PKHD1: variants seen among roughly 807,000 people sequenced by gnomAD.
PKHD1 encodes PKHD1 ciliary IPT domain containing fibrocystin/polyductin.
Under a neutral mutation model 412.0 loss-of-function variants are expected in PKHD1, and 291 were observed. The ratio of observed to expected loss-of-function variants is 0.71; its 90% CI spans 0.64 to 0.78. PKHD1 has a LOEUF of 0.78. PKHD1 is among the 30% of genes least tolerant of loss of function. PKHD1 has a pLI of 0.00. For synonymous variants in PKHD1, 1,777 were observed against 1,821.5 expected, an observed-to-expected ratio of 0.98 and a Z score of 0.62; for missense variants, 4,825 against 4,950.7, an observed-to-expected ratio of 0.97 and a Z score of 0.76.
At chr6:51,912,281 A>G (rs1309339125) in intron 38 of PKHD1, 85 bp downstream of exon 38, 2 of 851,702 alleles carry the variant, frequency 2.3e-6, no homozygotes, top group African/African-American at 3.3e-5. Context: ...TATCATTGAA[A>G]GACCCCAATA....
chr6:51,682,070 C>T (rs185164541), intron 60 of PKHD1: 97 of 224,754 alleles, frequency 4.3e-4, no homozygotes, highest in Admixed American at 2.3e-3. Flanking sequence ...TTGTTTTAAG[C>T]TGTTGAGATA....
intron 52 of PKHD1, among the ~76,000 whole-genome samples, chr6:51,807,485 A>ATG (rs567506746): frequency 0.031 from 3,437 of 111,616 alleles, 122 homozygotes; most frequent in Middle Eastern, 0.041. Flanking sequence ...ATATATGTAT[A>ATG]TGTGTGTGTG....
At chr6:51,942,542 CTG>C (rs771306358) in intron 36 of PKHD1, among the ~76,000 whole-genome samples, 1 of 151,546 alleles carries the variant, frequency 6.6e-6, no homozygotes, top group Non-Finnish European at 1.5e-5. Context: ...GCAATTACCA[CTG>C]TTCCTGGCCC....
At chr6:51,859,309 G>A (rs890958178) in intron 48 of PKHD1, among the ~76,000 whole-genome samples, 10 of 151,970 alleles carry the variant, frequency 6.6e-5, no homozygotes, top group African/African-American at 2.4e-4. Flanking sequence ...GGTGGATCAT[G>A]AGATCAGGAG....
At chr6:51,728,020 T>C (rs1701397535) in intron 60 of PKHD1, among the ~76,000 whole-genome samples, 1 of 152,180 alleles carries the variant, frequency 6.6e-6, no homozygotes, top group African/African-American at 2.4e-5. Context: ...CTCAATTCCT[T>C]TTCCTTCTCC....
chr6:51,806,239 A>G (rs1049150691), intron 52 of PKHD1, among the ~76,000 whole-genome samples: 2 of 152,142 alleles, frequency 1.3e-5, no homozygotes, highest in Admixed American at 6.6e-5. Context: ...AAAAAGAGGC[A>G]TTCTAGTGGT....
intron 34 of PKHD1, among the ~76,000 whole-genome samples, chr6:52,016,733 A>G (rs1383811761): frequency 7.9e-5 from 12 of 152,206 alleles, no homozygotes; most frequent in Non-Finnish European, 1.5e-5. Context: ...AGAAGTTTAC[A>G]TGACAATGTT....
intron 53 of PKHD1, among the ~76,000 whole-genome samples, chr6:51,787,395 A>G (rs1338497375): frequency 6.6e-6 from 1 of 152,080 alleles, no homozygotes; most frequent in East Asian, 1.9e-4. Flanking sequence ...ACCAAAAAAT[A>G]TAATTCCACA....
At chr6:51,694,696 T>C (rs1778590537) in intron 60 of PKHD1, among the ~76,000 whole-genome samples, 1 of 151,594 alleles carries the variant, frequency 6.6e-6, no homozygotes, top group African/African-American at 2.4e-5. Context: ...CACCCAACCT[T>C]CCATATAGAT....
chr6:51,722,035 A>C (rs189600783), intron 60 of PKHD1: 10 of 1,613,426 alleles, frequency 6.2e-6, no homozygotes, highest in Non-Finnish European at 7.6e-6. Context: ...AGTAAACAGA[A>C]GTACTTTAGT....
intron 35 of PKHD1, among the ~76,000 whole-genome samples, chr6:51,982,838 T>TA: frequency 7.5e-6 from 1 of 132,480 alleles, no homozygotes; most frequent in South Asian, 2.4e-4. Flanking sequence ...AAATAAAAAA[T>TA]AAAAAAATAA....
chr6:51,738,695 C>G (rs1489968270), intron 60 of PKHD1, among the ~76,000 whole-genome samples: 1 of 152,112 alleles, frequency 6.6e-6, no homozygotes, highest in Non-Finnish European at 1.5e-5. Context: ...GAGGCTGGCT[C>G]CTGTCTATCT....
In PKHD1 at chr6:52,022,849, C is replaced by G; in HGVS notation, c.5332G>C (p.Ala1778Pro). 6.2e-7 allele frequency: 1 copy of G among 1,614,118 alleles called. No individual in the cohort carries two copies. Among genetic ancestry groups the G allele is most frequent in the Non-Finnish European group, 8.5e-7 (1 of 1,180,028 alleles). ...AVCGAPCRVL[A>P]NATVSAFSCL... ...CTGAAGGCAGACACTGTAGCATTAG[C>G]CAGGACTCGGCAGGGAGCACCACAC... The change falls in exon 33 of 67, where the codon GCT becomes CCT. Residue 1778 changes from alanine (A) to proline (P), a missense_variant. By Grantham distance (27) the Ala-to-Pro change is conservative (BLOSUM62 -1). Coordinates refer to ENST00000371117, the MANE Select transcript of PKHD1 (RefSeq NM_138694.4).
At chr6:51,748,964 T>G (rs1785637802) in intron 57 of PKHD1, among the ~76,000 whole-genome samples, 2 of 152,110 alleles carry the variant, frequency 1.3e-5, no homozygotes, top group South Asian at 4.1e-4. Flanking sequence ...AGTTTAACGA[T>G]TCTGTGTATT....
intron 60 of PKHD1, among the ~76,000 whole-genome samples, chr6:51,726,204 A>AC (rs1275003126): frequency 6.6e-6 from 1 of 152,180 alleles, no homozygotes. Flanking sequence ...ATTATCAGGC[A>AC]CTGGACATAC....
intron 61 of PKHD1, among the ~76,000 whole-genome samples, chr6:51,656,856 A>G (rs915983435): frequency 6.6e-6 from 1 of 151,690 alleles, no homozygotes; most frequent in African/African-American, 2.4e-5. Context: ...GGGTTTCACC[A>G]TGTTGCCTAG....
chr6:51,687,338 T>C (rs1333727267), intron 60 of PKHD1, among the ~76,000 whole-genome samples: 2 of 152,232 alleles, frequency 1.3e-5, no homozygotes, highest in South Asian at 2.1e-4. Flanking sequence ...TAAGTACTAA[T>C]AATAACTCTT....
chr6:51,826,298 G>A (rs1767307912), intron 52 of PKHD1, among the ~76,000 whole-genome samples: 1 of 152,050 alleles, frequency 6.6e-6, no homozygotes, highest in Non-Finnish European at 1.5e-5. Context: ...AAGAAAAACA[G>A]TACTCTCCCA....
At chr6:51,692,132 C>T (rs749531997) in intron 60 of PKHD1, among the ~76,000 whole-genome samples, 25 of 152,050 alleles carry the variant, frequency 1.6e-4, no homozygotes, top group Admixed American at 1.2e-3. Flanking sequence ...CTCACTCCTC[C>T]CAATCTCTCA....
Sources: allele counts gnomAD v4.1 joint callset (sites outside exome capture counted in the v4.1 genomes callset), GRCh38; gene constraint gnomAD v4.1.1; transcripts MANE v1.5; gene names NCBI Gene and HGNC (gene_info 2026-07-23, HGNC 2026-07-21).